Variants in OR52E4 observed in about 807,000 individuals in gnomAD.
The protein encoded by OR52E4 is olfactory receptor 52E4.
For missense variants in OR52E4, 444 were observed against 383.8 expected, an observed-to-expected ratio of 1.16 and a Z score of -1.31; for synonymous variants, 169 against 137.4, an observed-to-expected ratio of 1.23 and a Z score of -1.61.
chr11:5,884,622 A>T lies in OR52E4; in HGVS notation c.330A>T (p.Thr110=). The T allele has an allele frequency of 1.2e-6, 2 of 1,613,556 alleles. No individual in the cohort carries two copies. Among genetic ancestry groups the T allele is most frequent in the Non-Finnish European group, 1.7e-6 (2 of 1,179,706 alleles). Residue 110 remains threonine, a synonymous_variant, in exon 2 of 2, where the codon ACA becomes ACT. Transcript: ENST00000641726. Reference sequence around the variant, plus strand: ...AGATGTTCTTTATTCACATGTTTACAGGCATGGAGACTGTTCTGTTGGTGG... The same window carrying T: ...AGATGTTCTTTATTCACATGTTTACTGGCATGGAGACTGTTCTGTTGGTGG... ...LLQMFFIHMF[T]GMETVLLVVM... is the part of the protein sequence containing the mutation.
intron 1 of OR52E4, among the ~76,000 whole-genome samples, chr11:5,883,779 G>A (rs1215954702): frequency 6.6e-6 from 1 of 151,806 alleles, no homozygotes; most frequent in East Asian, 1.9e-4. Flanking sequence ...ATAACCTCTG[G>A]AAAATTTCAC....
At position 5,884,662 on chromosome 11, in the gene OR52E4, C is replaced by G. The variant is rs377590240; in HGVS notation, c.370C>G (p.Arg124Gly). ...TCTGTTGGTGGTCATGGCTTATGAC[C>G]GCTTTGTTGCCATCTGCAACCCTCT... The part of the protein sequence containing the change: ...TVLLVVMAYD[R>G]FVAICNPLQY... The change falls in exon 2 of 2, where the codon CGC becomes GGC. Residue 124 changes from arginine to glycine, a missense_variant. Arg to Gly is a moderately radical substitution (Grantham distance 125). Coordinates refer to ENST00000641726, the MANE Select transcript of OR52E4 (RefSeq NM_001005165.2). 2.5e-6 allele frequency: 4 copies of G among 1,613,476 alleles called. No individual in the cohort carries two copies. The highest frequency in any genetic ancestry group is 1.1e-5 in the South Asian group (1 of 91,070).
rs974523251 is a variant in OR52E4 at position 5,885,864 on chromosome 11, G to A, written c.*633G>A. ...GTATTGATCCTGGTTTTGTCTGTGA[G>A]GGTGTTGCCAAAAGAGATTAACATT... is the stretch of plus-strand genomic sequence containing the variant. On this transcript the variant is annotated 3_prime_UTR_variant, in exon 2 of 2. Coordinates refer to ENST00000641726, the MANE Select transcript of OR52E4 (RefSeq NM_001005165.2). 1 of 152,088 alleles carries A rather than the reference G, an allele frequency of 6.6e-6. No homozygotes were observed. The highest frequency in any genetic ancestry group is 1.5e-5 in the Non-Finnish European group (1 of 68,028). 9.4% of individuals were successfully genotyped at this position (152,088 alleles called of 1,614,324 possible). A position where few individuals can be genotyped will look rare whatever the true frequency, so the allele number is the denominator to read the frequency against.
intron 1 of OR52E4, among the ~76,000 whole-genome samples, chr11:5,881,062 T>C (rs555459385): frequency 6.6e-6 from 1 of 152,250 alleles, no homozygotes; most frequent in Non-Finnish European, 1.5e-5. Flanking sequence ...GCCATACTTG[T>C]TGTCAATAAG....
At position 5,884,261 on chromosome 11, in the gene OR52E4, T is replaced by C. The variant is rs1462244758; in HGVS notation, c.-32T>C. ...ACCTTAAAGAAAGTGAGATCCTTCA[T>C]ACTTAGGAATTCAGTGACACTTGCT... is the stretch of plus-strand genomic sequence containing the variant. On this transcript the variant is annotated 5_prime_UTR_variant, in exon 2 of 2. Transcript: ENST00000641726. The C allele has an allele frequency of 2.7e-6, 4 of 1,484,428 alleles. No homozygotes were observed. The highest frequency in any genetic ancestry group is 3.7e-6 in the Non-Finnish European group (4 of 1,077,510). The allele number at this position is 1,484,428 out of a possible 1,614,324, so 92.0% of individuals were successfully genotyped here. A position where few individuals can be genotyped will look rare whatever the true frequency, so the allele number is the denominator to read the frequency against.
Position 5,884,872 on chromosome 11 carries a change from A to G in OR52E4, c.580A>G (p.Ile194Val). 3.1e-6 allele frequency: 5 copies of G among 1,613,330 alleles called. No homozygotes were observed. Among genetic ancestry groups the G allele is most frequent in the Non-Finnish European group, 4.2e-6 (5 of 1,179,502 alleles). Residue 194 changes from isoleucine (I) to valine (V), a missense_variant, in exon 2 of 2, where the codon ATT becomes GTT. Coordinates refer to ENST00000641726, the MANE Select transcript of OR52E4 (RefSeq NM_001005165.2). The part of the protein sequence containing the change: ...RGLAGLACAP[I>V]KINIIYGLMV... Reference sequence around the variant, plus strand: ...TCTGGCCGGGTTGGCCTGTGCACCCATTAAGATCAACATAATCTATGGGCT... The same window carrying G: ...TCTGGCCGGGTTGGCCTGTGCACCCGTTAAGATCAACATAATCTATGGGCT...
rs779364972 is a variant in OR52E4 at position 5,882,698 on chromosome 11, GTC to G, written c.-74-1498_-74-1497del. Among the ~76,000 whole-genome samples, 429 of 108,980 alleles carry G rather than the reference GTC, an allele frequency of 3.9e-3. 3 individuals are homozygous for G. The highest frequency in any genetic ancestry group is 0.012 in the African/African-American group (348 of 29,486). The allele number at this position is 108,980 out of a possible 152,430, so 71.5% of individuals were successfully genotyped here. The stretch of plus-strand genomic sequence containing the variant: ...TACTCCTATCTCTCCAACCTTCTCC[GTC>G]TCTCTCTCTCTCTCTCTCTCTCACT... On this transcript the variant is annotated intron_variant, in intron 1 of 1. Coordinates refer to ENST00000641726, the MANE Select transcript of OR52E4 (RefSeq NM_001005165.2).
Position 5,885,063 on chromosome 11 carries a change from T to G in OR52E4, c.771T>G (p.Phe257Leu). 6.2e-7 allele frequency: 1 copy of G among 1,613,554 alleles called. No homozygotes were observed. The highest frequency in any genetic ancestry group is 8.5e-7 in the Non-Finnish European group (1 of 1,179,724). The change falls in exon 2 of 2, where the codon TTT (phenylalanine) becomes TTG (leucine). Residue 257 changes from phenylalanine (F) to leucine (L), a missense_variant. Phe to Leu is a conservative substitution (Grantham distance 22). Coordinates refer to ENST00000641726, the MANE Select transcript of OR52E4 (RefSeq NM_001005165.2). ...TGCTGTGCTTTTACACACCAGCATT[T>G]TTTTCTTTTATGACACATCGTTTTG... ...CVMLCFYTPA[F>L]FSFMTHRFGQ...
intron 1 of OR52E4, 21 bp from the exon 2 acceptor site, chr11:5,884,198 A>G (rs1294675388): frequency 1.2e-5 from 10 of 837,418 alleles, no homozygotes; most frequent in Non-Finnish European, 1.6e-5. Context: ...CACACTGATA[A>G]GAGTCTTTCT....
chr11:5,884,471 C>T lies in OR52E4; in HGVS notation c.179C>T (p.Pro60Leu), dbSNP rs1373313587. ...AAAACTGAACATAGTCTACACCAGC[C>T]CATGTTCTACTTCCTGGCCATGTTG... is the stretch of plus-strand genomic sequence containing the variant. ...VIKTEHSLHQPMFYFLAMLSM... is the reference protein window; with the variant it reads ...VIKTEHSLHQLMFYFLAMLSM... The change falls in exon 2 of 2, where the codon CCC becomes CTC. Residue 60 changes from proline to leucine, a missense_variant. Physicochemically the swap from Pro to Leu is moderately conservative, Grantham distance 98. Coordinates refer to ENST00000641726, the MANE Select transcript of OR52E4 (RefSeq NM_001005165.2). 1 of 1,613,484 alleles carries T rather than the reference C, an allele frequency of 6.2e-7. No homozygotes were observed. Among genetic ancestry groups the T allele is most frequent in the East Asian group, 2.2e-5 (1 of 44,858 alleles).
intron 1 of OR52E4, among the ~76,000 whole-genome samples, chr11:5,883,752 T>C (rs1421005153): frequency 2.0e-5 from 3 of 152,020 alleles, no homozygotes; most frequent in Admixed American, 1.3e-4. Context: ...ATTTAATCTG[T>C]TATGGTAGCA....
Position 5,885,003 on chromosome 11 carries a change from G to C in OR52E4, c.711G>C (p.Lys237Asn). Reference sequence around the variant, plus strand: ...TTCCCTCTCAAGATGTCCGACTAAAGGCCTTCAATACCTGTGGTTCTCATG... The same window carrying C: ...TTCCCTCTCAAGATGTCCGACTAAACGCCTTCAATACCTGTGGTTCTCATG... ...FRLPSQDVRL[K>N]AFNTCGSHVC... The change falls in exon 2 of 2, where the codon AAG becomes AAC. Residue 237 changes from lysine to asparagine, a missense_variant. By Grantham distance (94) the Lys-to-Asn change is moderately conservative (BLOSUM62 0). Coordinates refer to ENST00000641726, the MANE Select transcript of OR52E4 (RefSeq NM_001005165.2). 6.2e-7 allele frequency: 1 copy of C among 1,613,220 alleles called. No homozygotes were observed. Among genetic ancestry groups the C allele is most frequent in the Non-Finnish European group, 8.5e-7 (1 of 1,179,486 alleles).
rs941968945 is a variant in OR52E4 at position 5,884,426 on chromosome 11, T to C, written c.134T>C (p.Met45Thr). Residue 45 changes from methionine (M) to threonine (T), a missense_variant, in exon 2 of 2, where the codon ATG becomes ACG. By Grantham distance (81) the Met-to-Thr change is moderately conservative. Transcript: ENST00000641726. The part of the protein sequence containing the change: ...IVYLIAIVGN[M>T]TILFVIKTEH... The stretch of plus-strand genomic sequence containing the variant: ...TACCTGATTGCCATTGTGGGGAATA[T>C]GACCATTCTCTTTGTGATCAAAACT... 1 of 1,613,536 alleles carries C rather than the reference T, an allele frequency of 6.2e-7. No individual in the cohort carries two copies. Among genetic ancestry groups the C allele is most frequent in the Non-Finnish European group, 8.5e-7 (1 of 1,179,618 alleles).
In OR52E4 at chr11:5,884,895, G is replaced by A; in HGVS notation, c.603G>A (p.Gly201=). 6.2e-7 allele frequency: 1 copy of A among 1,613,126 alleles called. No homozygotes were observed. The highest frequency in any genetic ancestry group is 8.5e-7 in the Non-Finnish European group (1 of 1,179,356). ...CAPIKINIIY[G]LMVISYIIVD... is the part of the protein sequence containing the mutation. The stretch of plus-strand genomic sequence containing the variant: ...CCATTAAGATCAACATAATCTATGG[G>A]CTCATGGTGATTTCTTATATTATTG... Residue 201 remains glycine (G), a synonymous_variant, in exon 2 of 2, where the codon GGG becomes GGA. Coordinates refer to ENST00000641726, the MANE Select transcript of OR52E4 (RefSeq NM_001005165.2).
rs1450422256 is a variant in OR52E4, at chr11:5,886,546, C to T, written c.*1315C>T. The T allele has an allele frequency of 6.6e-6, 1 of 151,978 alleles. No homozygotes were observed. Among genetic ancestry groups the T allele is most frequent in the East Asian group, 1.9e-4 (1 of 5,176 alleles). 9.4% of individuals were successfully genotyped at this position (151,978 alleles called of 1,614,324 possible). A position where few individuals can be genotyped will look rare whatever the true frequency, so the allele number is the denominator to read the frequency against. Reference sequence around the variant, plus strand: ...GTAAGCACAGGGCCAGACTTGATATCGACTTCAAAATAATATCATTATAAT... The same window carrying T: ...GTAAGCACAGGGCCAGACTTGATATTGACTTCAAAATAATATCATTATAAT... On this transcript the variant is annotated 3_prime_UTR_variant, in exon 2 of 2. Transcript: ENST00000641726.
rs768164155 is a variant in OR52E4 at position 5,885,082 on chromosome 11, C to T, written c.790C>T (p.Arg264Cys). The T allele has an allele frequency of 4.3e-6, 7 of 1,613,302 alleles. No homozygotes were observed. The highest frequency in any genetic ancestry group is 4.5e-5 in the East Asian group (2 of 44,848). Residue 264 changes from arginine (R) to cysteine (C), a missense_variant, in exon 2 of 2, where the codon CGT becomes TGT. Coordinates refer to ENST00000641726, the MANE Select transcript of OR52E4 (RefSeq NM_001005165.2). Reference sequence around the variant, plus strand: ...AGCATTTTTTTCTTTTATGACACATCGTTTTGGCCAAAACATTCCCCACTA... The same window carrying T: ...AGCATTTTTTTCTTTTATGACACATTGTTTTGGCCAAAACATTCCCCACTA... ...TPAFFSFMTH[R>C]FGQNIPHYIH... is the part of the protein sequence containing the mutation.
chr11:5,884,581 G>C lies in OR52E4; in HGVS notation c.289G>C (p.Gly97Arg). The C allele has an allele frequency of 6.2e-7, 1 of 1,613,420 alleles. No homozygotes were observed. Among genetic ancestry groups the C allele is most frequent in the South Asian group, 1.1e-5 (1 of 91,058 alleles). The change falls in exon 2 of 2, where the codon GGG (glycine) becomes CGG (arginine). Residue 97 changes from glycine to arginine, a missense_variant. Coordinates refer to ENST00000641726, the MANE Select transcript of OR52E4 (RefSeq NM_001005165.2). ...FWFNLQEISF[G>R]GCLLQMFFIH... ...GTTCAACCTCCAAGAGATCAGCTTTGGGGGATGCCTTCTTCAGATGTTCTT... is the reference window on the plus strand; with the variant it reads ...GTTCAACCTCCAAGAGATCAGCTTTCGGGGATGCCTTCTTCAGATGTTCTT...
At chr11:5,881,085 T>A (rs1247758239) in intron 1 of OR52E4, among the ~76,000 whole-genome samples, 2 of 152,142 alleles carry the variant, frequency 1.3e-5, no homozygotes, top group Non-Finnish European at 2.9e-5. Context: ...AAAAGGATGT[T>A]ATTGCAGACT....
chr11:5,884,794 C>A lies in OR52E4; in HGVS notation c.502C>A (p.Leu168Met). The part of the protein sequence containing the change: ...VTPFVFLILR[L>M]PFCGHNIVPH... Reference sequence around the variant, plus strand: ...CCCATTTGTGTTTCTCATTCTGCGTCTGCCATTCTGTGGGCATAACATCGT... The same window carrying A: ...CCCATTTGTGTTTCTCATTCTGCGTATGCCATTCTGTGGGCATAACATCGT... The change falls in exon 2 of 2, where the codon CTG becomes ATG. Residue 168 changes from leucine to methionine, a missense_variant. Leu to Met is a conservative substitution (Grantham distance 15). Transcript: ENST00000641726. 1 of 1,613,550 alleles carries A rather than the reference C, an allele frequency of 6.2e-7. No individual in the cohort carries two copies. The highest frequency in any genetic ancestry group is 8.5e-7 in the Non-Finnish European group (1 of 1,179,688).
Sources: allele counts gnomAD v4.1 joint callset (sites outside exome capture counted in the v4.1 genomes callset), GRCh38; gene constraint gnomAD v4.1.1; transcripts MANE v1.5; gene names NCBI Gene and HGNC (gene_info 2026-07-23, HGNC 2026-07-21).